The following KAT2B variants were observed in gnomAD, a reference collection of about 807,000 sequenced individuals.
KAT2B encodes the protein lysine acetyltransferase 2B.
A neutral mutation model predicts 105.9 loss-of-function variants in KAT2B; 36 were observed. The observed-to-expected ratio is 0.34, with a 90% CI of 0.26 to 0.45. The LOEUF (loss-of-function observed/expected upper bound fraction) is 0.45. KAT2B is among the 20% of genes least tolerant of loss of function. The pLI is 1.00. For missense variants in KAT2B, 820 were observed against 1,021.6 expected, an observed-to-expected ratio of 0.80 and a Z score of 2.69; for synonymous variants, 397 against 377.9, an observed-to-expected ratio of 1.05 and a Z score of -0.59.
At chr3:20,045,187 G>T (rs1163777946) in intron 1 of KAT2B, among the ~76,000 whole-genome samples, 1 of 151,794 alleles carries the variant, frequency 6.6e-6, no homozygotes, top group East Asian at 1.9e-4. Flanking sequence ...GCTAATTTTT[G>T]TATTTTTTTT....
At chr3:20,141,946 C>T (rs1343589689) in intron 13 of KAT2B, among the ~76,000 whole-genome samples, 1 of 152,130 alleles carries the variant, frequency 6.6e-6, no homozygotes, top group Non-Finnish European at 1.5e-5. Context: ...CCTCATTGTT[C>T]TCTCTGGAGC....
At chr3:20,098,365 T>C (rs996619501) in intron 3 of KAT2B, among the ~76,000 whole-genome samples, 2 of 152,202 alleles carry the variant, frequency 1.3e-5, no homozygotes, top group Non-Finnish European at 2.9e-5. Flanking sequence ...AAAACTTTGC[T>C]CTATCACTTA....
chr3:20,148,278 C>A lies in KAT2B; in HGVS notation c.2192C>A (p.Thr731Lys), dbSNP rs138379232. Residue 731 changes from threonine (T) to lysine (K), a missense_variant, in exon 16 of 18, where the codon ACG (threonine) becomes AAG (lysine). Around this residue, in one of 6 missense-constraint regions of KAT2B, gnomAD observed 227 missense variants for 292.9 expected, o/e 0.77. Transcript: ENST00000263754. Reference sequence around the variant, plus strand: ...AGAGACCCTGACCAGCTTTACAGCACGCTCAAGAGCATCCTCCAGCAGGTG... The same window carrying A: ...AGAGACCCTGACCAGCTTTACAGCAAGCTCAAGAGCATCCTCCAGCAGGTG... ...EPRDPDQLYSTLKSILQQVKS... is the reference protein window; with the variant it reads ...EPRDPDQLYSKLKSILQQVKS... 2 of 1,614,066 alleles carry A rather than the reference C, an allele frequency of 1.2e-6. No individual in the cohort carries two copies. Among genetic ancestry groups the A allele is most frequent in the South Asian group, 1.1e-5 (1 of 91,078 alleles).
intron 1 of KAT2B, among the ~76,000 whole-genome samples, chr3:20,065,959 G>A (rs760687116): frequency 3.3e-5 from 5 of 152,052 alleles, no homozygotes; most frequent in Non-Finnish European, 5.9e-5. Context: ...AGTTTCTTAG[G>A]CCTGTCATAA....
chr3:20,113,699 G>C (rs1046838520), intron 6 of KAT2B, among the ~76,000 whole-genome samples: 2 of 152,170 alleles, frequency 1.3e-5, no homozygotes, highest in Admixed American at 6.6e-5. Flanking sequence ...CTTGGGCACT[G>C]TTTCAGAGTG....
intron 1 of KAT2B, among the ~76,000 whole-genome samples, chr3:20,057,794 T>C (rs1356263063): frequency 3.9e-5 from 6 of 152,134 alleles, no homozygotes; most frequent in African/African-American, 1.4e-4. Context: ...CTAGGCTATT[T>C]GGTAACAACT....
At chr3:20,061,744 GA>G (rs1030134790) in intron 1 of KAT2B, among the ~76,000 whole-genome samples, 1 of 130,116 alleles carries the variant, frequency 7.7e-6, no homozygotes, top group African/African-American at 2.9e-5. Context: ...TAATATATAT[GA>G]AAAAATATAT....
chr3:20,102,501 A>C lies in KAT2B; in HGVS notation c.851+1033A>C, dbSNP rs557162117. Among the ~76,000 whole-genome samples the C allele has an allele frequency of 2.0e-5, 3 of 152,334 alleles. No individual in the cohort carries two copies. The South Asian group carries it at 6.2e-4, about 32-fold the overall frequency. On this transcript the variant is annotated intron_variant, in intron 5 of 17. Transcript: ENST00000263754. ...TCATATCAAACATTTCACAGGTTAC[A>C]TTATAGTCCATTGAGTTGATTTACC...
chr3:20,058,057 C>A (rs1297186739), intron 1 of KAT2B, among the ~76,000 whole-genome samples: 3 of 152,122 alleles, frequency 2.0e-5, no homozygotes, highest in Non-Finnish European at 4.4e-5. Context: ...TGTCTTGGGT[C>A]ATTTCCTCAT....
chr3:20,095,539 G>A (rs1389385730), intron 3 of KAT2B, 131 bp downstream of exon 3: 6 of 586,066 alleles, frequency 1.0e-5, no homozygotes, highest in African/African-American at 5.6e-5. Flanking sequence ...TGAACAATAC[G>A]TTTCTTCATG....
chr3:20,083,949 C>T (rs1698567169), intron 2 of KAT2B, among the ~76,000 whole-genome samples: 3 of 151,796 alleles, frequency 2.0e-5, no homozygotes, highest in Admixed American at 1.3e-4. Context: ...AGGTGGGGTT[C>T]GGGGAAGATT....
At position 20,154,019 on chromosome 3, in the gene KAT2B, A is replaced by G. The variant is rs1193738200; in HGVS notation, c.*1494A>G. ...GCCTCAACTTTTTAAAGTGTAAGAA[A>G]CCACCATGAGTGGTGTCTAGATTTC... On this transcript the variant is annotated 3_prime_UTR_variant, in exon 18 of 18. Transcript: ENST00000263754. 1 of 152,614 alleles carries G rather than the reference A, an allele frequency of 6.6e-6. No homozygotes were observed. Among genetic ancestry groups the G allele is most frequent in the Non-Finnish European group, 1.5e-5 (1 of 68,016 alleles). 9.5% of individuals were successfully genotyped at this position (152,614 alleles called of 1,614,324 possible). A position where few individuals can be genotyped will look rare whatever the true frequency, so the allele number is the denominator to read the frequency against.
At chr3:20,113,241 A>C (rs1699151735) in intron 6 of KAT2B, among the ~76,000 whole-genome samples, 1 of 152,212 alleles carries the variant, frequency 6.6e-6, no homozygotes, top group South Asian at 2.1e-4. Context: ...AGATTGAAGC[A>C]GTTTTCTTAC....
rs1325481680 is a variant in KAT2B, at chr3:20,062,136, T to C, written c.304-10197T>C. Among the ~76,000 whole-genome samples the C allele has an allele frequency of 2.4e-3, 208 of 85,394 alleles. 1 individual carries two copies. Among genetic ancestry groups the C allele is most frequent in the African/African-American group, 7.4e-3 (133 of 18,084 alleles). 56.0% of individuals were successfully genotyped at this position (85,394 alleles called of 152,430 possible). On this transcript the variant is annotated intron_variant, in intron 1 of 17. Transcript: ENST00000263754. ...TTATATAAAACATATATATATAAAATATATAATATATAAAAATATATAATA... is the reference window on the plus strand; with the variant it reads ...TTATATAAAACATATATATATAAAACATATAATATATAAAAATATATAATA...
At chr3:20,146,279 TC>T (rs758183214) in intron 13 of KAT2B, 36 bp from the exon 14 acceptor site, 1 of 1,205,688 alleles carries the variant, frequency 8.3e-7, no homozygotes, top group South Asian at 1.2e-5. Flanking sequence ...TCCATAGACT[TC>T]TTTCCCTAAA....
intron 1 of KAT2B, among the ~76,000 whole-genome samples, chr3:20,046,707 T>C (rs1697817598): frequency 6.6e-6 from 1 of 152,222 alleles, no homozygotes; most frequent in Admixed American, 6.5e-5. Flanking sequence ...ACAAGCCTTA[T>C]AGTTGGAGAG....
chr3:20,151,052 T>C (rs761921756), intron 17 of KAT2B, among the ~76,000 whole-genome samples: 7 of 152,234 alleles, frequency 4.6e-5, no homozygotes, highest in Non-Finnish European at 1.0e-4. Context: ...CATTTTGATC[T>C]GTTCAGTCAC....
chr3:20,045,569 C>G (rs956237340), intron 1 of KAT2B, among the ~76,000 whole-genome samples: 1 of 151,950 alleles, frequency 6.6e-6, no homozygotes, highest in African/African-American at 2.4e-5. Flanking sequence ...TATGAGTAGG[C>G]CAAATCCAAA....
chr3:20,126,517 T>G (rs1699406761), intron 10 of KAT2B, among the ~76,000 whole-genome samples: 1 of 147,022 alleles, frequency 6.8e-6, no homozygotes, highest in South Asian at 2.2e-4. Context: ...AATCCATTGC[T>G]TAAAAAAAAA....
Sources: allele counts gnomAD v4.1 joint callset (sites outside exome capture counted in the v4.1 genomes callset), GRCh38; gene constraint gnomAD v4.1.1; regional missense constraint gnomAD v4.1.1; transcripts MANE v1.5; gene names NCBI Gene and HGNC (gene_info 2026-07-23, HGNC 2026-07-21).